ANXA6: variants seen among roughly 807,000 people sequenced by gnomAD.
The protein encoded by ANXA6 is annexin A6, also known as 67 kDa calelectrin.
ANXA6 carries 71 observed loss-of-function variants against 95.4 expected under a neutral mutation model. The ratio of observed to expected loss-of-function variants is 0.74; its 90% CI spans 0.61 to 0.91. The LOEUF (loss-of-function observed/expected upper bound fraction) is 0.91, where lower values mean the gene tolerates loss of function less well. Among genes scored for constraint, ANXA6 ranks in the 40% least tolerant of loss-of-function variants. The probability of loss-of-function intolerance (pLI) is 0.00; values close to 1 mark genes in which losing one functional copy is unlikely to be tolerated. For missense variants in ANXA6, 830 were observed against 876.4 expected, an observed-to-expected ratio of 0.95 and a Z score of 0.67; for synonymous variants, 289 against 315.9, an observed-to-expected ratio of 0.91 and a Z score of 0.90.
intron 17 of ANXA6, among the ~76,000 whole-genome samples, chr5:151,120,794 G>A (rs1037816433): frequency 6.6e-6 from 1 of 152,134 alleles, no homozygotes; most frequent in Non-Finnish European, 1.5e-5. Context: ...TGCTCTAATG[G>A]TCCTGCCTTC....
At chr5:151,105,769 G>A (rs1764679881) in intron 23 of ANXA6, among the ~76,000 whole-genome samples, 1 of 152,186 alleles carries the variant, frequency 6.6e-6, no homozygotes. Flanking sequence ...TTGGAAGAAA[G>A]GCAGATTCTC....
intron 21 of ANXA6, 123 bp downstream of exon 21, chr5:151,110,504 G>A: frequency 3.7e-6 from 4 of 1,072,488 alleles, no homozygotes; most frequent in South Asian, 2.9e-5. Context: ...GGGCCCGGAA[G>A]GGGAGAGAGA....
At chr5:151,102,653 G>A (rs1027400460) in intron 25 of ANXA6, among the ~76,000 whole-genome samples, 2 of 152,190 alleles carry the variant, frequency 1.3e-5, no homozygotes, top group South Asian at 2.1e-4. Context: ...GCAGTGAGAT[G>A]AGATGGCACT....
intron 7 of ANXA6, 84 bp downstream of exon 7, chr5:151,136,172 C>T (rs1765653919): frequency 1.5e-6 from 2 of 1,360,778 alleles, no homozygotes; most frequent in Admixed American, 1.8e-5. Flanking sequence ...GCTGACCAGA[C>T]CCTGGACATT....
chr5:151,106,806 C>T (rs185181104), intron 23 of ANXA6, among the ~76,000 whole-genome samples: 1 of 152,268 alleles, frequency 6.6e-6, no homozygotes, highest in Admixed American at 6.5e-5. Context: ...TGTAACCAAC[C>T]CCACAAGTCT....
chr5:151,110,577 G>C, intron 21 of ANXA6, 50 bp downstream of exon 21: 1 of 1,601,850 alleles, frequency 6.2e-7, no homozygotes, highest in Non-Finnish European at 8.5e-7. Flanking sequence ...CAGTAAAGGC[G>C]GACTTTACTC....
intron 13 of ANXA6, 63 bp from the exon 14 acceptor site, chr5:151,126,543 AACAC>A (rs3079845): frequency 8.5e-3 from 6,931 of 818,354 alleles, no homozygotes; most frequent in Admixed American, 0.013. Flanking sequence ...CACTCACACC[AACAC>A]ACACACACAC....
rs1765761353 is a variant in ANXA6, at chr5:151,139,334, C to T, written c.204+19G>A. 6.4e-7 allele frequency: 1 copy of T among 1,561,414 alleles called. No homozygotes were observed. ...TTCTTCCACCCGCACCCCATGGGCC[C>T]TCCGGTTGCTGTGGTTACCTTGCCG... On this transcript the variant is annotated intron_variant, in intron 4 of 25. Coordinates refer to ENST00000354546, the MANE Select transcript of ANXA6 (RefSeq NM_001155.5).
intron 7 of ANXA6, 26 bp downstream of exon 7, chr5:151,136,230 A>G: frequency 1.9e-6 from 3 of 1,611,926 alleles, no homozygotes; most frequent in Non-Finnish European, 2.5e-6. Flanking sequence ...CAAGCTCCAG[A>G]GGAAAAAAAT....
intron 10 of ANXA6, 40 bp from the exon 11 acceptor site, chr5:151,131,329 C>G (rs941409202): frequency 1.2e-6 from 2 of 1,603,982 alleles, no homozygotes; most frequent in Admixed American, 1.7e-5. Context: ...TTCTGGCTGC[C>G]TCAGAAGGGG....
intron 23 of ANXA6, among the ~76,000 whole-genome samples, chr5:151,108,172 T>G (rs1392748970): frequency 2.0e-5 from 3 of 152,084 alleles, no homozygotes; most frequent in Non-Finnish European, 4.4e-5. Flanking sequence ...GGTGTGTGTG[T>G]GTATACACCC....
Position 151,132,480 on chromosome 5 carries a change from G to C in ANXA6, c.732C>G (p.Ala244=), listed in dbSNP as rs756035026. 6.2e-7 allele frequency: 1 copy of C among 1,611,048 alleles called. No individual in the cohort carries two copies. The highest frequency in any genetic ancestry group is 8.5e-7 in the Non-Finnish European group (1 of 1,178,642). The change falls in exon 10 of 26, where the codon GCC becomes GCG. Residue 244 remains alanine, a synonymous_variant. Transcript: ENST00000354546. Reference sequence around the variant, plus strand: ...GAATGCAACGTCAGGACATACCTACGGCCAGCATTAGCTTCTCAAAGTCCC... The same window carrying C: ...GAATGCAACGTCAGGACATACCTACCGCCAGCATTAGCTTCTCAAAGTCCC... The part of the protein sequence containing the change: ...LSGDFEKLML[A]VVKCIRSTPE...
intron 24 of ANXA6, 138 bp from the exon 25 acceptor site, chr5:151,103,830 C>A (rs1312169928): frequency 3.0e-5 from 34 of 1,121,256 alleles, no homozygotes; most frequent in Non-Finnish European, 3.7e-5. Context: ...CTGTCTTCTG[C>A]AAACAGTCCT....
At chr5:151,127,494 C>A (rs1054357565) in intron 13 of ANXA6, among the ~76,000 whole-genome samples, 4 of 152,210 alleles carry the variant, frequency 2.6e-5, no homozygotes, top group African/African-American at 9.6e-5. Flanking sequence ...TCAGGCCACT[C>A]CTTCTCACTC....
At chr5:151,150,102 A>C (rs926801280) in intron 1 of ANXA6, among the ~76,000 whole-genome samples, 12 of 151,102 alleles carry the variant, frequency 7.9e-5, no homozygotes, top group Non-Finnish European at 1.5e-4. Flanking sequence ...TAGGCAACAG[A>C]GTGAGACTCT....
At chr5:151,142,703 T>C (rs1009086379) in intron 2 of ANXA6, among the ~76,000 whole-genome samples, 4 of 152,140 alleles carry the variant, frequency 2.6e-5, no homozygotes, top group Admixed American at 1.3e-4. Context: ...CTGGGCTAAA[T>C]GAATGGATGG....
chr5:151,156,238 G>T (rs1766233615), intron 1 of ANXA6, among the ~76,000 whole-genome samples: 2 of 152,196 alleles, frequency 1.3e-5, no homozygotes, highest in Non-Finnish European at 1.5e-5. Flanking sequence ...CTAAATCTTA[G>T]AACAGTTGAA....
rs758953458 is a variant in ANXA6, at chr5:151,129,390, C to T, written c.918+17G>A. 12 of 1,612,994 alleles carry T rather than the reference C, an allele frequency of 7.4e-6. No individual in the cohort carries two copies. Among genetic ancestry groups the T allele is most frequent in the South Asian group, 4.4e-5 (4 of 91,016 alleles). On this transcript the variant is annotated intron_variant, in intron 12 of 25. Coordinates refer to ENST00000354546, the MANE Select transcript of ANXA6 (RefSeq NM_001155.5). ...AAGCTCTTTGCTCCCTTCTCTGCCC[C>T]CATGAGCTCTGCTGACCTTGATCAT...
At position 151,126,494 on chromosome 5, in the gene ANXA6, G is replaced by T. The variant is rs966209508; in HGVS notation, c.978-14C>A. ...TGGCCAGCAGCACTGGAATGGAGGG[G>T]TTTAGGGAGAGGACAGGAAGGAATG... On this transcript the variant is annotated splice_polypyrimidine_tract_variant and intron_variant, in intron 13 of 25. Coordinates refer to ENST00000354546, the MANE Select transcript of ANXA6 (RefSeq NM_001155.5). The T allele has an allele frequency of 5.0e-6, 8 of 1,600,994 alleles. No individual in the cohort carries two copies. The highest frequency in any genetic ancestry group is 1.7e-5 in the Admixed American group (1 of 58,042).
Sources: allele counts gnomAD v4.1 joint callset (sites outside exome capture counted in the v4.1 genomes callset), GRCh38; gene constraint gnomAD v4.1.1; transcripts MANE v1.5; gene names NCBI Gene and HGNC (gene_info 2026-07-23, HGNC 2026-07-21).